Variants in SEL1L2 observed in about 807,000 individuals in gnomAD.
The protein encoded by SEL1L2 is SEL1L2 adaptor subunit of SYVN1 ubiquitin ligase.
A neutral mutation model predicts 98.8 loss-of-function variants in SEL1L2; 89 were observed. The ratio of observed to expected loss-of-function variants is 0.90; its 90% CI spans 0.76 to 1.07. The LOEUF (loss-of-function observed/expected upper bound fraction) is 1.07, where lower values mean the gene tolerates loss of function less well. Ranked by LOEUF, SEL1L2 falls within the 50% of genes least tolerant of loss-of-function variation. The probability of loss-of-function intolerance (pLI) is 0.00; values close to 1 mark genes in which losing one functional copy is unlikely to be tolerated. For synonymous variants in SEL1L2, 262 were observed against 278.5 expected (o/e 0.94, Z 0.59); for missense variants, 788 against 812.0 (o/e 0.97, Z 0.36).
intron 8 of SEL1L2, 91 bp downstream of exon 8, chr20:13,887,678 C>T: frequency 2.5e-6 from 2 of 805,066 alleles, no homozygotes; most frequent in Non-Finnish European, 4.1e-6. Flanking sequence ...TTGATATTTT[C>T]ATAAGTTTAT....
intron 5 of SEL1L2, among the ~76,000 whole-genome samples, chr20:13,895,088 A>AAGG (rs2047365007): frequency 1.3e-5 from 2 of 152,212 alleles, no homozygotes; most frequent in Admixed American, 6.5e-5. Context: ...GGCACATTAA[A>AAGG]AGGATTATAC....
chr20:13,981,877 T>C (rs2051847297), intron 1 of SEL1L2, among the ~76,000 whole-genome samples: 1 of 152,240 alleles, frequency 6.6e-6, no homozygotes, highest in Admixed American at 6.5e-5. Flanking sequence ...AAATTCTCAA[T>C]TCCATAGGTT....
chr20:13,915,951 G>A (rs1477286321), intron 4 of SEL1L2, among the ~76,000 whole-genome samples: 1 of 152,202 alleles, frequency 6.6e-6, no homozygotes, highest in Non-Finnish European at 1.5e-5. Context: ...GGGCACATCA[G>A]AAACTTGGTG....
At chr20:13,975,565 C>CCAA (rs1250535343) in intron 1 of SEL1L2, among the ~76,000 whole-genome samples, 1 of 152,150 alleles carries the variant, frequency 6.6e-6, no homozygotes. Context: ...ATAATAAAAA[C>CCAA]ATTTGAATGA....
At chr20:13,982,051 G>A (rs546233997) in intron 1 of SEL1L2, among the ~76,000 whole-genome samples, 1 of 152,294 alleles carries the variant, frequency 6.6e-6, no homozygotes, top group South Asian at 2.1e-4. Context: ...TGAGGCAACT[G>A]CTTTCTGGAC....
chr20:13,915,122 T>C (rs1461278828), intron 4 of SEL1L2: 1 of 1,289,594 alleles, frequency 7.8e-7, no homozygotes, highest in Non-Finnish European at 1.0e-6. Context: ...GAGACTCACC[T>C]TTATGTACAG....
intron 2 of SEL1L2, among the ~76,000 whole-genome samples, chr20:13,934,916 T>G (rs2049378658): frequency 6.6e-6 from 1 of 152,156 alleles, no homozygotes; most frequent in African/African-American, 2.4e-5. Context: ...ATAATCTATT[T>G]AGGTATCTGG....
At chr20:13,979,016 T>C (rs887134240) in intron 1 of SEL1L2, among the ~76,000 whole-genome samples, 3 of 152,056 alleles carry the variant, frequency 2.0e-5, no homozygotes, top group African/African-American at 4.8e-5. Context: ...GCTGCGATCA[T>C]GCAACTGCAC....
rs1205160997 is a variant in SEL1L2, at chr20:13,931,626, A to ATT, written c.259_260insAA (p.Ile87LysfsTer3). The stretch of plus-strand genomic sequence containing the variant: ...ACAATGATTCTTATTTCTCTTCAAG[A>ATT]TATCTTTATTTTGAATTCCTTTTAT... On this transcript the variant is annotated frameshift_variant, in exon 3 of 20. Transcript: ENST00000284951. LOFTEE classifies it high-confidence loss of function. 10 of 1,424,352 alleles carry ATT rather than the reference A, an allele frequency of 7.0e-6. No homozygotes were observed. The highest frequency in any genetic ancestry group is 8.6e-6 in the Non-Finnish European group (9 of 1,044,164). 88.2% of individuals were successfully genotyped at this position (1,424,352 alleles called of 1,614,324 possible).
At chr20:13,994,015 T>G (rs959045237), upstream of SEL1L2, among the ~76,000 whole-genome samples, 2 of 152,018 alleles carry the variant, frequency 1.3e-5, no homozygotes, top group African/African-American at 4.8e-5. Flanking sequence ...TTTCACAGCA[T>G]TAAAAGAAAA....
intron 17 of SEL1L2, 32 bp downstream of exon 17, chr20:13,865,135 G>A: frequency 6.4e-7 from 1 of 1,557,478 alleles, no homozygotes; most frequent in Non-Finnish European, 8.8e-7. Flanking sequence ...ACAGGGACCG[G>A]GTATGTGCTT....
chr20:13,962,558 T>C (rs1196505669), intron 1 of SEL1L2, among the ~76,000 whole-genome samples: 2 of 152,130 alleles, frequency 1.3e-5, no homozygotes. Context: ...CACAGAATTA[T>C]GAGATTATGA....
chr20:13,956,740 A>G (rs1307610729), intron 1 of SEL1L2, among the ~76,000 whole-genome samples: 1 of 152,142 alleles, frequency 6.6e-6, no homozygotes, highest in African/African-American at 2.4e-5. Context: ...AATCATTGGC[A>G]TATTTATTTT....
chr20:13,902,385 T>G (rs1277349816), intron 5 of SEL1L2, among the ~76,000 whole-genome samples: 1 of 152,232 alleles, frequency 6.6e-6, no homozygotes. Context: ...CTTGATCAGT[T>G]TTCAAAATAA....
chr20:13,908,472 G>T (rs2048075935), intron 5 of SEL1L2, among the ~76,000 whole-genome samples: 1 of 152,012 alleles, frequency 6.6e-6, no homozygotes, highest in Non-Finnish European at 1.5e-5. Context: ...TTCTTGTCTG[G>T]CAAATTAACA....
At chr20:13,886,587 T>C in intron 8 of SEL1L2, 145 bp from the exon 9 acceptor site, 1 of 789,720 alleles carries the variant, frequency 1.3e-6, no homozygotes, top group Non-Finnish European at 1.9e-6. Flanking sequence ...CCATGAAAAA[T>C]AGAAATTTTC....
chr20:13,901,438 A>C (rs1162624745), intron 5 of SEL1L2, among the ~76,000 whole-genome samples: 7 of 152,156 alleles, frequency 4.6e-5, no homozygotes, highest in Non-Finnish European at 7.4e-5. Flanking sequence ...CCTATTCTGT[A>C]ACTTTTACTA....
In SEL1L2 at chr20:13,886,330, T is replaced by C. The variant is rs1176947474; in HGVS notation, c.858A>G (p.Gln286=). Residue 286 remains glutamine, a synonymous_variant, in exon 9 of 20, where the codon CAA becomes CAG. Coordinates refer to ENST00000284951, the MANE Select transcript of SEL1L2 (RefSeq NM_025229.2). The part of the protein sequence containing the change: ...NSEILDWDIY[Q]YYKFLAERGD... ...CTCTTTCTGCCAAAAATTTATAGTATTGGTATATGTCCCAATCCAAAATCT... is the reference window on the plus strand; with the variant it reads ...CTCTTTCTGCCAAAAATTTATAGTACTGGTATATGTCCCAATCCAAAATCT... 6.2e-7 allele frequency: 1 copy of C among 1,613,148 alleles called. No individual in the cohort carries two copies. Among genetic ancestry groups the C allele is most frequent in the South Asian group, 1.1e-5 (1 of 91,026 alleles).
upstream of SEL1L2, among the ~76,000 whole-genome samples, chr20:13,992,237 T>A (rs946408579): frequency 9.9e-5 from 15 of 151,902 alleles, no homozygotes; most frequent in African/African-American, 2.9e-4. Flanking sequence ...GGTGCCGTGG[T>A]TCATGCCTGT....
Sources: allele counts gnomAD v4.1 joint callset (sites outside exome capture counted in the v4.1 genomes callset), GRCh38; gene constraint gnomAD v4.1.1; transcripts MANE v1.5; gene names NCBI Gene and HGNC (gene_info 2026-07-23, HGNC 2026-07-21).